Variants in EDAR observed in about 807,000 individuals in gnomAD.
EDAR encodes the protein tumor necrosis factor receptor superfamily member EDAR.
EDAR carries 38 observed loss-of-function variants against 51.3 expected under a neutral mutation model. The observed-to-expected ratio is 0.74, with a 90% CI of 0.57 to 0.97. The LOEUF (loss-of-function observed/expected upper bound fraction) is 0.97, where lower values mean the gene tolerates loss of function less well. Among genes scored for constraint, EDAR ranks in the 50% least tolerant of loss-of-function variants. The pLI is 0.00. For missense variants in EDAR, 528 were observed against 595.0 expected, an observed-to-expected ratio of 0.89 and a Z score of 1.17; for synonymous variants, 227 against 242.1, an observed-to-expected ratio of 0.94 and a Z score of 0.58.
chr2:108,961,563 G>C (rs1209702575), intron 1 of EDAR, among the ~76,000 whole-genome samples: 5 of 152,182 alleles, frequency 3.3e-5, no homozygotes, highest in South Asian at 4.1e-4. Flanking sequence ...CTGCTCTTTT[G>C]GTTATGGACG....
intron 5 of EDAR, among the ~76,000 whole-genome samples, chr2:108,917,707 G>A (rs1297260777): frequency 1.3e-5 from 2 of 150,372 alleles, no homozygotes; most frequent in African/African-American, 5.0e-5. Context: ...GACCTCATGA[G>A]GGTGAGGTCA....
At position 108,979,467 on chromosome 2, in the gene EDAR, T is replaced by TCTCACACACACA. The variant is rs1159379988; in HGVS notation, c.-19+9492_-19+9493insTGTGTGTGTGAG. On this transcript the variant is annotated intron_variant, in intron 1 of 11. Coordinates refer to ENST00000258443, the MANE Select transcript of EDAR (RefSeq NM_022336.4). ...CTCTCTGTCTCTGTCTCTCTCTCTCTCACACACACACACACACACACACAC... is the reference window on the plus strand; with the variant it reads ...CTCTCTGTCTCTGTCTCTCTCTCTCTCTCACACACACACACACACACACACACACACACACAC... Among the ~76,000 whole-genome samples the TCTCACACACACA allele has an allele frequency of 4.1e-4, 60 of 147,218 alleles. 1 individual carries two copies. The highest frequency in any genetic ancestry group is 7.1e-3 in the Middle Eastern group (2 of 282).
At chr2:108,958,499 T>C (rs867682648) in intron 1 of EDAR, among the ~76,000 whole-genome samples, 1 of 151,596 alleles carries the variant, frequency 6.6e-6, no homozygotes, top group Non-Finnish European at 1.5e-5. Context: ...GTGCGTTTGT[T>C]CAGGCAGGGG....
At chr2:108,970,351 A>T (rs1350704270) in intron 1 of EDAR, among the ~76,000 whole-genome samples, 3 of 152,218 alleles carry the variant, frequency 2.0e-5, no homozygotes, top group Non-Finnish European at 4.4e-5. Flanking sequence ...ATTAATCTGC[A>T]AATGGTGTGT....
chr2:108,955,295 C>T (rs1697897637), intron 1 of EDAR, among the ~76,000 whole-genome samples: 1 of 152,018 alleles, frequency 6.6e-6, no homozygotes, highest in Non-Finnish European at 1.5e-5. Flanking sequence ...GTATTTACAA[C>T]AGTAAGTGCT....
In EDAR at chr2:108,895,514, T is replaced by C. The variant is rs570082808; in HGVS notation, c.*1393A>G. On this transcript the variant is annotated 3_prime_UTR_variant, in exon 12 of 12. Coordinates refer to ENST00000258443, the MANE Select transcript of EDAR (RefSeq NM_022336.4). Reference sequence around the variant, plus strand: ...TGCCTATAAATGTTATGTCAAACCATTGCAGTTATTGTGAAAATGCCAAGT... The same window carrying C: ...TGCCTATAAATGTTATGTCAAACCACTGCAGTTATTGTGAAAATGCCAAGT... 6.6e-6 allele frequency: 1 copy of C among 152,354 alleles called. No homozygotes were observed. Among genetic ancestry groups the C allele is most frequent in the South Asian group, 2.1e-4 (1 of 4,828 alleles). The allele number at this position is 152,354 out of a possible 1,614,324, so 9.4% of individuals were successfully genotyped here. A position where few individuals can be genotyped will look rare whatever the true frequency, so the allele number is the denominator to read the frequency against.
intron 11 of EDAR, among the ~76,000 whole-genome samples, chr2:108,900,451 G>A (rs1297694777): frequency 1.3e-5 from 2 of 152,082 alleles, no homozygotes; most frequent in Non-Finnish European, 2.9e-5. Context: ...CTACTTGGGA[G>A]GCTGAGGCAG....
chr2:108,915,492 T>C (rs1055347708), intron 5 of EDAR, among the ~76,000 whole-genome samples: 2 of 152,236 alleles, frequency 1.3e-5, no homozygotes, highest in African/African-American at 4.8e-5. Context: ...TGATGTTTCC[T>C]TGTGTTTCTG....
At chr2:108,972,223 C>A (rs1698247620) in intron 1 of EDAR, among the ~76,000 whole-genome samples, 1 of 152,252 alleles carries the variant, frequency 6.6e-6, no homozygotes, top group Admixed American at 6.5e-5. Context: ...GACTAATACG[C>A]CTTCCAGTCC....
intron 1 of EDAR, among the ~76,000 whole-genome samples, chr2:108,966,155 G>A (rs1698147466): frequency 6.6e-6 from 1 of 152,088 alleles, no homozygotes; most frequent in Admixed American, 6.6e-5. Context: ...TTTGAAGCAA[G>A]CCTCTCCTCC....
chr2:108,904,304 A>C (rs973041228), intron 11 of EDAR, among the ~76,000 whole-genome samples: 4 of 152,246 alleles, frequency 2.6e-5, no homozygotes, highest in African/African-American at 9.6e-5. Context: ...AAACATAGTA[A>C]CACCACCAAA....
intron 1 of EDAR, among the ~76,000 whole-genome samples, chr2:108,956,613 A>G (rs1216899929): frequency 6.6e-6 from 1 of 152,162 alleles, no homozygotes; most frequent in Non-Finnish European, 1.5e-5. Flanking sequence ...AATTTCCCTC[A>G]TAGATGCTTG....
intron 1 of EDAR, among the ~76,000 whole-genome samples, chr2:108,986,625 C>T (rs1698506099): frequency 6.6e-6 from 1 of 152,178 alleles, no homozygotes; most frequent in African/African-American, 2.4e-5. Context: ...GACAGTGAAC[C>T]TCTCTGAGCC....
At chr2:108,964,352 G>A (rs1698109791) in intron 1 of EDAR, among the ~76,000 whole-genome samples, 1 of 152,170 alleles carries the variant, frequency 6.6e-6, no homozygotes, top group Non-Finnish European at 1.5e-5. Context: ...CTCAGTCTCT[G>A]CCACATGATG....
intron 1 of EDAR, among the ~76,000 whole-genome samples, chr2:108,973,030 A>AGTGGCTAGTCATGCAGT (rs1297456223): frequency 6.6e-6 from 1 of 152,046 alleles, no homozygotes; most frequent in Admixed American, 6.5e-5. Flanking sequence ...CTTGTCATCC[A>AGTGGCTAGTCATGCAGT]GGCTAGACTG....
At chr2:108,968,132 C>G (rs1574410521) in intron 1 of EDAR, among the ~76,000 whole-genome samples, 1 of 152,162 alleles carries the variant, frequency 6.6e-6, no homozygotes. Flanking sequence ...CAGCCACCAC[C>G]TGGGGAAGGC....
At chr2:108,921,394 T>C (rs1427333609) in intron 5 of EDAR, among the ~76,000 whole-genome samples, 1 of 152,204 alleles carries the variant, frequency 6.6e-6, no homozygotes, top group African/African-American at 2.4e-5. Flanking sequence ...CCACCATTTG[T>C]TGCTGCAGAG....
At chr2:108,985,313 C>G (rs1253713133) in intron 1 of EDAR, among the ~76,000 whole-genome samples, 1 of 152,182 alleles carries the variant, frequency 6.6e-6, no homozygotes, top group Non-Finnish European at 1.5e-5. Context: ...TTATTGCCCT[C>G]ATTGCTGATT....
intron 1 of EDAR, among the ~76,000 whole-genome samples, chr2:108,953,441 C>G (rs1294546581): frequency 6.6e-6 from 1 of 152,112 alleles, no homozygotes; most frequent in African/African-American, 2.4e-5. Flanking sequence ...AAGACATCCT[C>G]TCTGCTTGGC....
Sources: allele counts gnomAD v4.1 joint callset (sites outside exome capture counted in the v4.1 genomes callset), GRCh38; gene constraint gnomAD v4.1.1; transcripts MANE v1.5; gene names NCBI Gene and HGNC (gene_info 2026-07-23, HGNC 2026-07-21).